MCTP1: variants seen among roughly 807,000 people sequenced by gnomAD.
MCTP1 encodes multiple C2 and transmembrane domain-containing protein 1.
Under a neutral mutation model 120.6 loss-of-function variants are expected in MCTP1, and 69 were observed. That is an observed-to-expected ratio of 0.57 (90% CI 0.47 to 0.70). The LOEUF is 0.70. Among genes scored for constraint, MCTP1 ranks in the 30% least tolerant of loss-of-function variants. The probability of loss-of-function intolerance (pLI) is 0.00; values close to 1 mark genes in which losing one functional copy is unlikely to be tolerated. For synonymous variants in MCTP1, 529 were observed against 493.1 expected (o/e 1.07, Z -0.96); for missense variants, 1,203 against 1,248.8 (o/e 0.96, Z 0.55).
chr5:95,047,635 A>T (rs2151962870), intron 1 of MCTP1, among the ~76,000 whole-genome samples: 1 of 152,282 alleles, frequency 6.6e-6, no homozygotes, highest in East Asian at 1.9e-4. Context: ...ATGAACATTC[A>T]CAGGTAAATC....
chr5:95,167,500 G>A (rs1018151422), intron 1 of MCTP1, among the ~76,000 whole-genome samples: 2 of 152,166 alleles, frequency 1.3e-5, no homozygotes, highest in African/African-American at 2.4e-5. Flanking sequence ...TTCCACAATG[G>A]TCAAACTAGT....
intron 1 of MCTP1, among the ~76,000 whole-genome samples, chr5:95,076,050 A>G (rs1218785937): frequency 2.0e-5 from 3 of 152,182 alleles, no homozygotes; most frequent in Non-Finnish European, 4.4e-5. Flanking sequence ...GAAACAGTGG[A>G]TTGTACTGAA....
intron 1 of MCTP1, among the ~76,000 whole-genome samples, chr5:95,231,487 T>G (rs116073620): frequency 6.6e-6 from 1 of 151,940 alleles, no homozygotes; most frequent in Non-Finnish European, 1.5e-5. Flanking sequence ...TTTAAGACAA[T>G]GACATCAGGC....
intron 4 of MCTP1, 120 bp from the exon 5 acceptor site, chr5:94,940,315 A>G: frequency 1.8e-6 from 1 of 571,152 alleles, no homozygotes; most frequent in East Asian, 3.0e-5. Flanking sequence ...CTTTCTTGGG[A>G]CAATTTTTGT....
intron 2 of MCTP1, among the ~76,000 whole-genome samples, chr5:94,976,398 C>A (rs888457687): frequency 1.3e-5 from 2 of 152,042 alleles, no homozygotes; most frequent in African/African-American, 2.4e-5. Context: ...TTGCAGTGAC[C>A]AAGATCACGC....
chr5:94,842,930 G>A lies in MCTP1; in HGVS notation c.2436+25403C>T, dbSNP rs572475584. Among the ~76,000 whole-genome samples, 15 of 151,968 alleles carry A rather than the reference G, an allele frequency of 9.9e-5. No individual in the cohort carries two copies. In the East Asian group the frequency reaches 2.7e-3, roughly 27 times the overall value. ...CATAAAAAGGATTTCAGGGGACAGA[G>A]TATTTGCTTTGGATGTGAAAACTCT... On this transcript the variant is annotated intron_variant, in intron 17 of 22. Transcript: ENST00000515393.
intron 1 of MCTP1, among the ~76,000 whole-genome samples, chr5:95,227,143 T>A (rs982452566): frequency 3.3e-5 from 5 of 152,186 alleles, no homozygotes; most frequent in Admixed American, 2.0e-4. Flanking sequence ...CCTGACACTT[T>A]AAATCCTGCT....
intron 1 of MCTP1, among the ~76,000 whole-genome samples, chr5:95,209,066 T>C (rs10066762): frequency 0.2 from 30,372 of 152,082 alleles, 3,204 homozygotes; most frequent in Non-Finnish European, 0.23. Flanking sequence ...TCCACCACAA[T>C]TCTTGAGCTT....
intron 1 of MCTP1, among the ~76,000 whole-genome samples, chr5:95,025,058 GAATA>G (rs1384848353): frequency 6.6e-6 from 1 of 152,086 alleles, no homozygotes; most frequent in Non-Finnish European, 1.5e-5. Context: ...CACAGAAATA[GAATA>G]AATAATCTAA....
chr5:94,999,930 A>G (rs1006062403), intron 2 of MCTP1, among the ~76,000 whole-genome samples: 1 of 152,210 alleles, frequency 6.6e-6, no homozygotes, highest in African/African-American at 2.4e-5. Context: ...TTCAGAATAA[A>G]GTGTGAAGAC....
chr5:95,266,688 C>A (rs542613663), intron 1 of MCTP1, among the ~76,000 whole-genome samples: 6 of 152,252 alleles, frequency 3.9e-5, no homozygotes, highest in African/African-American at 1.4e-4. Flanking sequence ...GTCCAGATGG[C>A]AGTAATGGTT....
intron 1 of MCTP1, chr5:95,038,159 G>C (rs540894593): frequency 1.0e-6 from 1 of 979,922 alleles, no homozygotes; most frequent in Non-Finnish European, 1.2e-6. Context: ...TCAGTTGTGC[G>C]AATAGCAAGT....
At chr5:94,783,214 G>T (rs922195825) in intron 18 of MCTP1, among the ~76,000 whole-genome samples, 4 of 152,052 alleles carry the variant, frequency 2.6e-5, no homozygotes, top group Non-Finnish European at 5.9e-5. Context: ...CAGCTACATT[G>T]CAGCCAGAGA....
At chr5:95,085,586 A>G (rs1485239391) in intron 1 of MCTP1, among the ~76,000 whole-genome samples, 1 of 151,964 alleles carries the variant, frequency 6.6e-6, no homozygotes, top group African/African-American at 2.4e-5. Flanking sequence ...ATGTGCATGT[A>G]TTTGTTTAAA....
rs190565246 is a variant in MCTP1 at position 94,942,826 on chromosome 5, A to G, written c.982-399T>C. 1.4e-3 allele frequency among the ~76,000 whole-genome samples: 215 copies of G among 152,208 alleles called. 1 individual carries two copies. Among genetic ancestry groups the G allele is most frequent in the Non-Finnish European group, 2.1e-3 (143 of 67,980 alleles). On this transcript the variant is annotated intron_variant, in intron 3 of 22. Coordinates refer to ENST00000515393, the MANE Select transcript of MCTP1 (RefSeq NM_024717.7). The stretch of plus-strand genomic sequence containing the variant: ...CCATTAAAGATACATTTTGTGATAT[A>G]GGACAATGCCACTTTAAACATACAA...
rs188972306 is a variant in MCTP1, at chr5:94,973,913, C to T, written c.839-20552G>A. Among the ~76,000 whole-genome samples, 3 of 152,034 alleles carry T rather than the reference C, an allele frequency of 2.0e-5. No homozygotes were observed. In the East Asian group the frequency reaches 5.8e-4, roughly 30 times the overall value. Reference sequence around the variant, plus strand: ...CACTTACAAGCTGTGTGGACTTGCACAAGTAGAAGATGCACATAGATAGAA... The same window carrying T: ...CACTTACAAGCTGTGTGGACTTGCATAAGTAGAAGATGCACATAGATAGAA... On this transcript the variant is annotated intron_variant, in intron 2 of 22. Transcript: ENST00000515393.
chr5:95,169,247 A>C (rs867454751), intron 1 of MCTP1, among the ~76,000 whole-genome samples: 20 of 152,338 alleles, frequency 1.3e-4, no homozygotes, highest in Middle Eastern at 6.8e-3. Flanking sequence ...AGAGGAAGCC[A>C]ACTTGATCAT....
At chr5:94,834,944 TC>T (rs1466711635) in intron 17 of MCTP1, among the ~76,000 whole-genome samples, 2 of 149,540 alleles carry the variant, frequency 1.3e-5, no homozygotes, top group Non-Finnish European at 3.0e-5. Context: ...TGCCTCAGCC[TC>T]CCGAGTAGCT....
intron 17 of MCTP1, among the ~76,000 whole-genome samples, chr5:94,800,985 T>C (rs916977922): frequency 3.3e-5 from 5 of 152,046 alleles, no homozygotes; most frequent in Non-Finnish European, 7.4e-5. Flanking sequence ...TATACAAAGA[T>C]GATATAAATA....
Sources: allele counts gnomAD v4.1 joint callset (sites outside exome capture counted in the v4.1 genomes callset), GRCh38; gene constraint gnomAD v4.1.1; transcripts MANE v1.5; gene names NCBI Gene and HGNC (gene_info 2026-07-23, HGNC 2026-07-21).